Variants in SLC14A2 observed in about 807,000 individuals in gnomAD.
SLC14A2 encodes urea transporter 2.
Under a neutral mutation model 104.6 loss-of-function variants are expected in SLC14A2, and 91 were observed. The ratio of observed to expected loss-of-function variants is 0.87; its 90% CI spans 0.73 to 1.04. The LOEUF is 1.04. Ranked by LOEUF, SLC14A2 falls within the 50% of genes least tolerant of loss-of-function variation. The pLI is 0.00. For synonymous variants in SLC14A2, 476 were observed against 466.4 expected (o/e 1.02, Z -0.27); for missense variants, 1,189 against 1,156.0 (o/e 1.03, Z -0.41).
the SLC14A2 span, among the ~76,000 whole-genome samples, chr18:45,192,636 G>GTT: frequency 2.7e-5 from 3 of 112,828 alleles, no homozygotes; most frequent in Admixed American, 8.4e-5. Context: ...GTGTGTGTGT[G>GTT]GTTTTTTTTT....
chr18:45,520,092 G>A (rs1015241010), intron 2 of SLC14A2, among the ~76,000 whole-genome samples: 1 of 152,154 alleles, frequency 6.6e-6, no homozygotes, highest in African/African-American at 2.4e-5. Flanking sequence ...GTACGTAGAG[G>A]GTGGAAACCA....
intron 1 of SLC14A2, among the ~76,000 whole-genome samples, chr18:45,369,772 G>C (rs182582321): frequency 6.6e-6 from 1 of 152,162 alleles, no homozygotes; most frequent in African/African-American, 2.4e-5. Context: ...TAAGCTCTGA[G>C]AATACAACGA....
In SLC14A2 at chr18:45,574,008, A is replaced by C. The variant is rs539444280; in HGVS notation, c.-34-50623A>C. On this transcript the variant is annotated intron_variant, in intron 2 of 20. Coordinates refer to the SLC14A2 transcript ENST00000586448. The stretch of plus-strand genomic sequence containing the variant: ...ATGGCTGTAAGCTAGGGCTTAGTAC[A>C]GTGTCAATTACTAGTCATCGTATGA... 2.2e-4 allele frequency among the ~76,000 whole-genome samples: 33 copies of C among 152,386 alleles called. No homozygotes were observed. The East Asian group carries it at 6.2e-3, about 28-fold the overall frequency.
intron 1 of SLC14A2, among the ~76,000 whole-genome samples, chr18:45,276,522 G>A (rs1462485122): frequency 6.6e-6 from 1 of 152,210 alleles, no homozygotes; most frequent in Non-Finnish European, 1.5e-5. Context: ...AGAAATTGGA[G>A]AGTGTGGTGT....
At position 45,338,701 on chromosome 18, in the gene SLC14A2, A is replaced by C. The variant is rs1419225672; in HGVS notation, c.-125+125510A>C. Among the ~76,000 whole-genome samples, 244 of 136,406 alleles carry C rather than the reference A, an allele frequency of 1.8e-3. 3 individuals carry two copies. The highest frequency in any genetic ancestry group is 3.8e-3 in the Middle Eastern group (1 of 260). The allele number at this position is 136,406 out of a possible 152,430, so 89.5% of individuals were successfully genotyped here. A position where few individuals can be genotyped will look rare whatever the true frequency, so the allele number is the denominator to read the frequency against. On this transcript the variant is annotated intron_variant, in intron 1 of 20. Transcript: ENST00000586448. Reference sequence around the variant, plus strand: ...GGCTCACAAAAAAAAAAAAAAAAAAAAAAAAAAAAAACTCTTTATTTACAG... The same window carrying C: ...GGCTCACAAAAAAAAAAAAAAAAAACAAAAAAAAAAACTCTTTATTTACAG...
intron 2 of SLC14A2, among the ~76,000 whole-genome samples, chr18:45,518,200 A>T (rs1443389598): frequency 1.3e-5 from 2 of 152,220 alleles, no homozygotes; most frequent in Non-Finnish European, 2.9e-5. Context: ...CCTCTGAAAC[A>T]TCTTTGAGAT....
chr18:45,496,651 C>A (rs1356459316), intron 2 of SLC14A2, among the ~76,000 whole-genome samples: 1 of 152,170 alleles, frequency 6.6e-6, no homozygotes, highest in Admixed American at 6.5e-5. Context: ...GGCATGGTGG[C>A]AGGTGCCTGT....
chr18:45,307,304 G>C (rs1006708370), intron 1 of SLC14A2, among the ~76,000 whole-genome samples: 8 of 151,528 alleles, frequency 5.3e-5, no homozygotes, highest in Non-Finnish European at 1.0e-4. Flanking sequence ...TGTAATCCCA[G>C]CTACTTGGGA....
intron 1 of SLC14A2, among the ~76,000 whole-genome samples, chr18:45,378,968 T>G (rs1334461371): frequency 6.6e-6 from 1 of 152,212 alleles, no homozygotes; most frequent in African/African-American, 2.4e-5. Context: ...ACGAAAGAGC[T>G]AATTAAATTA....
intron 18 of SLC14A2, among the ~76,000 whole-genome samples, chr18:45,676,256 C>G (rs2046227996): frequency 6.6e-6 from 1 of 152,202 alleles, no homozygotes; most frequent in African/African-American, 2.4e-5. Flanking sequence ...CTGTGCCACT[C>G]TAGGCTCTCT....
intron 1 of SLC14A2, among the ~76,000 whole-genome samples, chr18:45,341,175 G>A (rs557076676): frequency 8.4e-4 from 127 of 151,166 alleles, no homozygotes; most frequent in Non-Finnish European, 8.7e-4. Context: ...TTCTGAACAC[G>A]TATTTATTAA....
intron 1 of SLC14A2, among the ~76,000 whole-genome samples, chr18:45,328,940 T>G (rs747434913): frequency 5.9e-5 from 9 of 152,326 alleles, no homozygotes; most frequent in Non-Finnish European, 1.2e-4. Flanking sequence ...TCACATTCCT[T>G]TATTCAGATT....
the SLC14A2 span, among the ~76,000 whole-genome samples, chr18:45,191,455 T>C: frequency 6.6e-6 from 1 of 152,198 alleles, no homozygotes; most frequent in African/African-American, 2.4e-5. Context: ...CAAACAAATG[T>C]ATACATCCAT....
At chr18:45,544,735 C>T (rs947227222) in intron 2 of SLC14A2, among the ~76,000 whole-genome samples, 2 of 146,582 alleles carry the variant, frequency 1.4e-5, no homozygotes, top group Non-Finnish European at 3.0e-5. Context: ...TTAAATTTAA[C>T]ATATTATAAA....
At chr18:45,201,528 C>T in the SLC14A2 span, among the ~76,000 whole-genome samples, 1 of 149,248 alleles carries the variant, frequency 6.7e-6, no homozygotes, top group African/African-American at 2.4e-5. Context: ...ACATATCTAA[C>T]ACCTCCATGT....
At chr18:45,446,151 T>G (rs960579093) in intron 1 of SLC14A2, among the ~76,000 whole-genome samples, 1 of 152,208 alleles carries the variant, frequency 6.6e-6, no homozygotes, top group Non-Finnish European at 1.5e-5. Context: ...GGGTTCACGC[T>G]CAGTTAAAGA....
chr18:45,587,627 AC>A (rs773897116), intron 2 of SLC14A2, among the ~76,000 whole-genome samples: 1 of 152,118 alleles, frequency 6.6e-6, no homozygotes, highest in Admixed American at 6.5e-5. Context: ...TGGCATCAAA[AC>A]CTGCCCTTAT....
chr18:45,404,750 G>A (rs1427623759), intron 1 of SLC14A2, among the ~76,000 whole-genome samples: 2 of 152,210 alleles, frequency 1.3e-5, no homozygotes, highest in East Asian at 1.9e-4. Context: ...TGAGCAGAGT[G>A]TCCTTGGGAA....
At chr18:45,300,600 T>C (rs2084959117) in intron 1 of SLC14A2, among the ~76,000 whole-genome samples, 1 of 152,198 alleles carries the variant, frequency 6.6e-6, no homozygotes, top group Non-Finnish European at 1.5e-5. Flanking sequence ...TGAAGTTTTT[T>C]AAAAAGCACT....
Sources: gnomAD v4.1 joint callset for allele counts (sites outside exome capture counted in the v4.1 genomes callset) on GRCh38, gnomAD v4.1.1 for gene constraint, MANE v1.5 for transcripts, NCBI Gene and HGNC (gene_info 2026-07-23, HGNC 2026-07-21) for gene names.